GPHN: variants seen among roughly 807,000 people sequenced by gnomAD.
The protein encoded by GPHN is gephyrin.
A neutral mutation model predicts 95.5 loss-of-function variants in GPHN; 17 were observed. The ratio of observed to expected loss-of-function variants is 0.18; its 90% CI spans 0.12 to 0.27. GPHN has a LOEUF of 0.27. Among genes scored for constraint, GPHN ranks in the 10% least tolerant of loss-of-function variants. The probability of loss-of-function intolerance (pLI) is 1.00; values close to 1 mark genes in which losing one functional copy is unlikely to be tolerated. For synonymous variants in GPHN, 320 were observed against 322.5 expected (o/e 0.99, Z 0.08); for missense variants, 660 against 978.1 (o/e 0.67, Z 4.34).
At chr14:67,272,691 C>T in the GPHN span, among the ~76,000 whole-genome samples, 132 of 152,270 alleles carry the variant, frequency 8.7e-4, no homozygotes, top group African/African-American at 1.9e-3. Context: ...CAGAGTCTCG[C>T]GCTGTCTCCC....
chr14:66,692,767 T>C (rs187631785), intron 2 of GPHN, among the ~76,000 whole-genome samples: 5 of 152,272 alleles, frequency 3.3e-5, no homozygotes, highest in Admixed American at 3.3e-4. Flanking sequence ...ATTGTTGTTA[T>C]GAAATACCAA....
chr14:67,504,433 T>C, the GPHN span, among the ~76,000 whole-genome samples: 1 of 152,246 alleles, frequency 6.6e-6, no homozygotes, highest in Non-Finnish European at 1.5e-5. Context: ...TAAATGTCAG[T>C]TGTTGTCACT....
chr14:67,037,514 A>G (rs1232017225), intron 10 of GPHN, among the ~76,000 whole-genome samples: 1 of 152,060 alleles, frequency 6.6e-6, no homozygotes, highest in African/African-American at 2.4e-5. Context: ...AATGGCAACA[A>G]CAGAATGGGA....
chr14:67,564,397 G>A, the GPHN span, among the ~76,000 whole-genome samples: 11,118 of 152,264 alleles, frequency 0.073, 473 homozygotes, highest in East Asian at 0.13. Context: ...TGGGGACACA[G>A]ATGAAGCATG....
chr14:67,163,745 A>T (rs982186618), intron 19 of GPHN, among the ~76,000 whole-genome samples: 2 of 152,186 alleles, frequency 1.3e-5, no homozygotes, highest in Non-Finnish European at 2.9e-5. Flanking sequence ...TAAAAGGTTA[A>T]TATTTCATCT....
chr14:67,578,013 T>G, the GPHN span: 1 of 1,611,836 alleles, frequency 6.2e-7, no homozygotes, highest in East Asian at 2.2e-5. This position sits in a 1 kb window ranked among gnomAD's most constrained non-coding sequence, Gnocchi z 5.0. Flanking sequence ...TCACTGCTGT[T>G]CCCTCCCAGT....
At chr14:67,390,817 T>A in the GPHN span, 1 of 1,084,638 alleles carries the variant, frequency 9.2e-7, no homozygotes, top group Non-Finnish European at 1.4e-6. Flanking sequence ...TCTATGCATG[T>A]AATGCCAAAC....
chr14:66,590,059 C>T (rs1348940014), intron 1 of GPHN, among the ~76,000 whole-genome samples: 1 of 152,176 alleles, frequency 6.6e-6, no homozygotes, highest in Non-Finnish European at 1.5e-5. Context: ...AACTGAGCAA[C>T]CTGCTCCTGA....
intron 1 of GPHN, among the ~76,000 whole-genome samples, chr14:66,523,289 T>C (rs1331917196): frequency 6.6e-6 from 1 of 151,916 alleles, no homozygotes; most frequent in African/African-American, 2.4e-5. Context: ...TTAGAAAAAA[T>C]TATATGAACT....
the GPHN span, chr14:67,338,330 G>A: frequency 1.2e-5 from 3 of 246,976 alleles, no homozygotes; most frequent in Non-Finnish European, 2.3e-5. Flanking sequence ...TTCCTAATAT[G>A]CTTGGTAAGC....
chr14:67,125,874 G>C (rs939633723), intron 17 of GPHN, among the ~76,000 whole-genome samples: 1 of 151,668 alleles, frequency 6.6e-6, no homozygotes, highest in Non-Finnish European at 1.5e-5. Flanking sequence ...AAAAAGGTTT[G>C]AGTCTGGTTT....
At chr14:66,512,782 ACT>A (rs2058089433) in intron 1 of GPHN, among the ~76,000 whole-genome samples, 1 of 151,692 alleles carries the variant, frequency 6.6e-6, no homozygotes, top group Non-Finnish European at 1.5e-5. Context: ...TACTGTCATA[ACT>A]CTGCAATTGT....
the GPHN span, among the ~76,000 whole-genome samples, chr14:67,591,146 T>C: frequency 1.6e-4 from 25 of 152,198 alleles, no homozygotes; most frequent in South Asian, 2.5e-3. Flanking sequence ...ATAGAGAAGA[T>C]AGGTAGTTTA....
the GPHN span, chr14:67,647,798 T>C: frequency 6.3e-6 from 3 of 473,622 alleles, no homozygotes; most frequent in Non-Finnish European, 1.1e-5. Context: ...GAAATATACA[T>C]TGGAGTTAGT....
At chr14:66,607,057 G>A (rs1007778270) in intron 1 of GPHN, among the ~76,000 whole-genome samples, 1 of 152,140 alleles carries the variant, frequency 6.6e-6, no homozygotes, top group African/African-American at 2.4e-5. Context: ...TGCCCATTCA[G>A]TATGATGTTG....
the GPHN span, chr14:67,578,249 G>A: frequency 6.5e-7 from 1 of 1,541,488 alleles, no homozygotes. The surrounding 1 kb of genome is among the most constrained non-coding windows in gnomAD (Gnocchi z 5.0). Context: ...GGCAAGGGCT[G>A]CCAGGTGGGA....
At chr14:67,366,168 G>A in the GPHN span, among the ~76,000 whole-genome samples, 2 of 150,938 alleles carry the variant, frequency 1.3e-5, no homozygotes, top group Middle Eastern at 3.4e-3. Flanking sequence ...CTGCAGCCTT[G>A]AACTCCTGTG....
At chr14:66,677,357 A>T (rs1242084349) in intron 1 of GPHN, among the ~76,000 whole-genome samples, 3 of 151,930 alleles carry the variant, frequency 2.0e-5, no homozygotes, top group Non-Finnish European at 2.9e-5. Flanking sequence ...TGTCAGATTG[A>T]TTAAGTGAAA....
At chr14:66,962,950 A>T (rs1366594169) in intron 8 of GPHN, among the ~76,000 whole-genome samples, 5 of 151,970 alleles carry the variant, frequency 3.3e-5, no homozygotes, top group African/African-American at 1.2e-4. Flanking sequence ...AGATTGTTCA[A>T]GGAAAAATCA....
Sources: allele counts gnomAD v4.1 joint callset (sites outside exome capture counted in the v4.1 genomes callset), GRCh38; gene constraint gnomAD v4.1.1; non-coding constraint Gnocchi (gnomAD v3.1); transcripts MANE v1.5; gene names NCBI Gene and HGNC (gene_info 2026-07-23, HGNC 2026-07-21).